Variants in RHCG observed in about 807,000 individuals in gnomAD.
The protein encoded by RHCG is ammonium transporter Rh type C.
RHCG carries 39 observed loss-of-function variants against 55.3 expected under a neutral mutation model. The observed-to-expected ratio is 0.70, with a 90% CI of 0.55 to 0.92. RHCG has a LOEUF of 0.92. Ranked by LOEUF, RHCG falls within the 40% of genes least tolerant of loss-of-function variation. The probability of loss-of-function intolerance (pLI) is 0.00; values close to 1 mark genes in which losing one functional copy is unlikely to be tolerated. For synonymous variants in RHCG, 250 were observed against 246.8 expected (o/e 1.01, Z -0.12); for missense variants, 635 against 627.9 (o/e 1.01, Z -0.12).
chr15:89,487,092 G>A, intron 1 of RHCG, 107 bp from the exon 2 acceptor site: 1 of 1,042,048 alleles, frequency 9.6e-7, no homozygotes, highest in Non-Finnish European at 1.3e-6. Context: ...CCCCGCCACT[G>A]GCGCGTCTCC....
At chr15:89,482,033 T>C (rs184741717) in intron 3 of RHCG, among the ~76,000 whole-genome samples, 31 of 152,162 alleles carry the variant, frequency 2.0e-4, no homozygotes, top group Admixed American at 1.8e-3. Flanking sequence ...AACTCCTGAC[T>C]TCAGGTGATC....
intron 5 of RHCG, among the ~76,000 whole-genome samples, 154 bp from the exon 6 acceptor site, chr15:89,478,128 A>C (rs551263728): frequency 2.0e-5 from 3 of 152,268 alleles, no homozygotes; most frequent in African/African-American, 7.2e-5. Context: ...GAGCCTGCAG[A>C]GGACTTCAGC....
chr15:89,475,157 C>T (rs1961122896), intron 9 of RHCG, among the ~76,000 whole-genome samples: 1 of 141,742 alleles, frequency 7.1e-6, no homozygotes, highest in Non-Finnish European at 1.6e-5. Flanking sequence ...TTCCTTCCTT[C>T]CTTCCTGCCT....
At chr15:89,475,229 T>G (rs1316978662) in intron 9 of RHCG, among the ~76,000 whole-genome samples, 2 of 151,492 alleles carry the variant, frequency 1.3e-5, no homozygotes, top group Non-Finnish European at 3.0e-5. Flanking sequence ...TTTTTCCTTC[T>G]TTTCTTTCCT....
Position 89,477,480 on chromosome 15 carries a change from G to A in RHCG, c.1112+37C>T. The A allele has an allele frequency of 1.2e-6, 2 of 1,609,742 alleles. No individual in the cohort carries two copies. Among genetic ancestry groups the A allele is most frequent in the Non-Finnish European group, 1.7e-6 (2 of 1,177,578 alleles). ...GGAAGAAGGGATGGGAGAAGGAAGGGGGAAGCTCCATCCCACCGCACCTCC... is the reference window on the plus strand; with the variant it reads ...GGAAGAAGGGATGGGAGAAGGAAGGAGGAAGCTCCATCCCACCGCACCTCC... On this transcript the variant is annotated intron_variant, in intron 7 of 10. Coordinates refer to ENST00000268122, the MANE Select transcript of RHCG (RefSeq NM_016321.3). The surrounding 1 kb of genome is among the most constrained non-coding windows in gnomAD (Gnocchi z 4.5).
chr15:89,486,535 C>T (rs775946837), intron 2 of RHCG: 10 of 523,922 alleles, frequency 1.9e-5, no homozygotes, highest in South Asian at 1.4e-4. Context: ...AATCGCTGAT[C>T]AGGAAGCGAA....
At chr15:89,472,981 G>T in intron 9 of RHCG, 118 bp from the exon 10 acceptor site, 2 of 1,196,670 alleles carry the variant, frequency 1.7e-6, no homozygotes, top group Non-Finnish European at 2.2e-6. Flanking sequence ...TGATCGCCGT[G>T]CGGATCACAT....
chr15:89,479,901 G>C (rs1961233087), intron 4 of RHCG, among the ~76,000 whole-genome samples: 1 of 152,240 alleles, frequency 6.6e-6, no homozygotes, highest in South Asian at 2.1e-4. Context: ...TGGAATGAAT[G>C]GACACAGGAA....
At chr15:89,495,988 G>C (rs1284671108) in intron 1 of RHCG, among the ~76,000 whole-genome samples, 1 of 152,196 alleles carries the variant, frequency 6.6e-6, no homozygotes, top group Non-Finnish European at 1.5e-5. Flanking sequence ...CAGGGCTGGC[G>C]CTTATTTGGA....
At chr15:89,478,281 A>G (rs2141890507) in intron 5 of RHCG, among the ~76,000 whole-genome samples, 1 of 152,304 alleles carries the variant, frequency 6.6e-6, no homozygotes, top group Middle Eastern at 3.4e-3. Context: ...TATGTATACC[A>G]TGTATACCTG....
chr15:89,485,204 T>TA (rs35080554), intron 2 of RHCG, among the ~76,000 whole-genome samples: 5 of 151,978 alleles, frequency 3.3e-5, no homozygotes, highest in Non-Finnish European at 7.4e-5. Context: ...TTTTTGAGAT[T>TA]AAAAAAAATT....
At position 89,477,431 on chromosome 15, in the gene RHCG, C is replaced by T; in HGVS notation, c.1112+86G>A. 9 of 1,544,698 alleles carry T rather than the reference C, an allele frequency of 5.8e-6. No individual in the cohort carries two copies. Among genetic ancestry groups the T allele is most frequent in the Non-Finnish European group, 7.9e-6 (9 of 1,137,714 alleles). ...GTGGGGAAGGAAAGGGAGAAAGATGCAGTCGGGTCCCAGAGGAATAGCAGG... is the reference window on the plus strand; with the variant it reads ...GTGGGGAAGGAAAGGGAGAAAGATGTAGTCGGGTCCCAGAGGAATAGCAGG... On this transcript the variant is annotated intron_variant, in intron 7 of 10. Coordinates refer to ENST00000268122, the MANE Select transcript of RHCG (RefSeq NM_016321.3). This position sits in a 1 kb window ranked among gnomAD's most constrained non-coding sequence, Gnocchi z 4.5.
At chr15:89,476,958 C>T in intron 8 of RHCG, 124 bp downstream of exon 8, 2 of 1,547,562 alleles carry the variant, frequency 1.3e-6, no homozygotes, top group Non-Finnish European at 1.8e-6. Context: ...GTCCTGTAGC[C>T]AGAAGTGCAG....
chr15:89,480,780 G>A (rs1961252565), intron 3 of RHCG, among the ~76,000 whole-genome samples: 2 of 152,336 alleles, frequency 1.3e-5, no homozygotes, highest in South Asian at 4.1e-4. Flanking sequence ...GACAAGCTCT[G>A]CATTTACACC....
intron 1 of RHCG, among the ~76,000 whole-genome samples, chr15:89,494,636 CT>C (rs199886940): frequency 4.0e-3 from 565 of 141,906 alleles, no homozygotes; most frequent in Admixed American, 5.6e-3. Context: ...TCATTTCTTT[CT>C]TTTTTTTTTT....
At position 89,487,004 on chromosome 15, in the gene RHCG, C is replaced by T. The variant is rs1257821790; in HGVS notation, c.185-19G>A. The T allele has an allele frequency of 6.5e-7, 1 of 1,543,616 alleles. No individual in the cohort carries two copies. The highest frequency in any genetic ancestry group is 2.0e-5 in the Admixed American group (1 of 51,166). ...TGGAAGCCTGCGGGGACAGTGCAGCCCGGGACTCGGTGGTCTGGCGAAGGT... is the reference window on the plus strand; with the variant it reads ...TGGAAGCCTGCGGGGACAGTGCAGCTCGGGACTCGGTGGTCTGGCGAAGGT... On this transcript the variant is annotated intron_variant, in intron 1 of 10. Coordinates refer to ENST00000268122, the MANE Select transcript of RHCG (RefSeq NM_016321.3).
intron 1 of RHCG, among the ~76,000 whole-genome samples, chr15:89,489,848 G>A (rs1181186225): frequency 1.3e-5 from 2 of 152,054 alleles, no homozygotes; most frequent in African/African-American, 2.4e-5. Flanking sequence ...CTCCCTTATG[G>A]CACCCTTTTT....
At chr15:89,479,864 C>T in intron 4 of RHCG, 1 of 372,954 alleles carries the variant, frequency 2.7e-6, no homozygotes, top group South Asian at 2.9e-5. Flanking sequence ...TTTGAGAGAC[C>T]AGAATGGCTG....
At chr15:89,493,976 C>T (rs1249032539) in intron 1 of RHCG, among the ~76,000 whole-genome samples, 3 of 152,100 alleles carry the variant, frequency 2.0e-5, no homozygotes, top group Non-Finnish European at 2.9e-5. Flanking sequence ...CCCCTATACC[C>T]CTCTCCTCTG....
Sources: allele counts gnomAD v4.1 joint callset (sites outside exome capture counted in the v4.1 genomes callset), GRCh38; gene constraint gnomAD v4.1.1; non-coding constraint Gnocchi (gnomAD v3.1); transcripts MANE v1.5; gene names NCBI Gene and HGNC (gene_info 2026-07-23, HGNC 2026-07-21).